The following SHROOM3 variants were observed in gnomAD, a reference collection of about 807,000 sequenced individuals.
SHROOM3 encodes protein Shroom3.
A neutral mutation model predicts 138.6 loss-of-function variants in SHROOM3; 47 were observed. The ratio of observed to expected loss-of-function variants is 0.34; its 90% CI spans 0.27 to 0.43. The LOEUF is 0.43. SHROOM3 is among the 20% of genes least tolerant of loss of function. The probability of loss-of-function intolerance (pLI) is 1.00; values close to 1 mark genes in which losing one functional copy is unlikely to be tolerated. For synonymous variants in SHROOM3, 1,062 were observed against 1,063.3 expected (o/e 1.00, Z 0.02); for missense variants, 2,491 against 2,596.5 (o/e 0.96, Z 0.88).
intron 2 of SHROOM3, among the ~76,000 whole-genome samples, chr4:76,579,516 T>C (rs1458462403): frequency 1.3e-5 from 2 of 152,238 alleles, no homozygotes; most frequent in African/African-American, 2.4e-5. Flanking sequence ...AAGTACTTGG[T>C]CTACAGATGT....
chr4:76,462,440 G>A (rs1038834389), intron 1 of SHROOM3, among the ~76,000 whole-genome samples: 6 of 152,060 alleles, frequency 3.9e-5, no homozygotes, highest in African/African-American at 1.4e-4. Flanking sequence ...TAACTATAGG[G>A]TAGATCCTAT....
At chr4:76,436,666 G>A (rs1196143473) in intron 1 of SHROOM3, among the ~76,000 whole-genome samples, 1 of 152,176 alleles carries the variant, frequency 6.6e-6, no homozygotes, top group African/African-American at 2.4e-5. Context: ...TAAATACCAT[G>A]TGTTGCTTTT....
chr4:76,659,218 C>T (rs1357244655), intron 2 of SHROOM3, among the ~76,000 whole-genome samples: 3 of 152,106 alleles, frequency 2.0e-5, no homozygotes, highest in South Asian at 2.1e-4. Flanking sequence ...AAGCACTTCC[C>T]GATGTGAACT....
At chr4:76,608,673 TAGCAC>T (rs559667555) in intron 2 of SHROOM3, among the ~76,000 whole-genome samples, 3,964 of 107,868 alleles carry the variant, frequency 0.037, 352 homozygotes, top group African/African-American at 0.13. Context: ...TAGCACAGCA[TAGCAC>T]AGCACAGCAC....
chr4:76,611,798 G>A (rs534474010), intron 2 of SHROOM3, among the ~76,000 whole-genome samples: 4 of 152,280 alleles, frequency 2.6e-5, no homozygotes, highest in South Asian at 2.1e-4. Context: ...GAGACTGCCC[G>A]TCAGGCACAC....
At chr4:76,767,220 C>T (rs1173697981) in intron 9 of SHROOM3, among the ~76,000 whole-genome samples, 1 of 152,184 alleles carries the variant, frequency 6.6e-6, no homozygotes, top group African/African-American at 2.4e-5. Flanking sequence ...TGCAGTGTTG[C>T]TGATCTGCTT....
intron 1 of SHROOM3, among the ~76,000 whole-genome samples, chr4:76,450,999 G>A (rs1433181112): frequency 6.6e-6 from 1 of 151,496 alleles, no homozygotes; most frequent in Non-Finnish European, 1.5e-5. Context: ...TGCACAGGCT[G>A]GAGTGAAGTG....
intron 4 of SHROOM3, among the ~76,000 whole-genome samples, chr4:76,731,578 C>G (rs1375345118): frequency 2.0e-5 from 3 of 152,048 alleles, no homozygotes; most frequent in African/African-American, 7.2e-5. Context: ...GTCAGGAGTT[C>G]AAGACCAGCC....
At chr4:76,644,569 T>G (rs1274816731) in intron 2 of SHROOM3, among the ~76,000 whole-genome samples, 3 of 150,254 alleles carry the variant, frequency 2.0e-5, no homozygotes, top group Non-Finnish European at 4.4e-5. Context: ...CATACGGGGT[T>G]TTTTTTTTTT....
intron 2 of SHROOM3, among the ~76,000 whole-genome samples, chr4:76,702,376 A>G (rs1325066597): frequency 1.3e-5 from 2 of 152,264 alleles, no homozygotes. Flanking sequence ...CCATGTGCCC[A>G]GTAAATGTAA....
intron 2 of SHROOM3, among the ~76,000 whole-genome samples, chr4:76,576,708 A>G (rs1277579168): frequency 2.0e-5 from 3 of 152,170 alleles, no homozygotes; most frequent in Admixed American, 6.5e-5. Context: ...CCCATTCTTC[A>G]TGATGTGATT....
At chr4:76,703,802 C>G (rs1269842180) in intron 2 of SHROOM3, among the ~76,000 whole-genome samples, 1 of 152,188 alleles carries the variant, frequency 6.6e-6, no homozygotes, top group Non-Finnish European at 1.5e-5. Flanking sequence ...CAACATAAAT[C>G]AAAAGGAATT....
rs186615250 is a variant in SHROOM3, at chr4:76,691,017, A to T, written c.324-19139A>T. 2.3e-3 allele frequency among the ~76,000 whole-genome samples: 351 copies of T among 152,330 alleles called. 1 individual carries two copies. Among genetic ancestry groups the T allele is most frequent in the Admixed American group, 3.5e-3 (54 of 15,304 alleles). ...GCAATTTCTCTTGAATCAACTTCCC[A>T]CATCTGCTCCCAGCAAATGGTTTCT... On this transcript the variant is annotated intron_variant, in intron 2 of 10. Transcript: ENST00000296043.
In SHROOM3 at chr4:76,739,624, C is replaced by A. The variant is rs1265753319; in HGVS notation, c.1451C>A (p.Ser484Tyr). 6.2e-7 allele frequency: 1 copy of A among 1,614,214 alleles called. No homozygotes were observed. The highest frequency in any genetic ancestry group is 1.1e-5 in the South Asian group (1 of 91,090). Residue 484 changes from serine (S) to tyrosine (Y), a missense_variant, in exon 5 of 11, where the codon TCT (serine) becomes TAT (tyrosine). This residue lies in a region of SHROOM3 where 1,733 missense variants were observed against 1,661.6 expected (regional missense o/e 1.04). Transcript: ENST00000296043. Reference sequence around the variant, plus strand: ...CACTTTGCCCAGGTGCCTCAGCCTTCTGTGAGTAGCAACGGTATGCTCTAC... The same window carrying A: ...CACTTTGCCCAGGTGCCTCAGCCTTATGTGAGTAGCAACGGTATGCTCTAC... ...EPHFAQVPQPSVSSNGMLYPA... is the reference protein window; with the variant it reads ...EPHFAQVPQPYVSSNGMLYPA...
chr4:76,477,235 C>A (rs1731505911), intron 1 of SHROOM3, among the ~76,000 whole-genome samples: 2 of 152,196 alleles, frequency 1.3e-5, no homozygotes, highest in South Asian at 4.1e-4. Context: ...TCCCAAAGTG[C>A]TAGGATTATG....
At chr4:76,716,692 C>G (rs1018985800) in intron 3 of SHROOM3, among the ~76,000 whole-genome samples, 2 of 152,110 alleles carry the variant, frequency 1.3e-5, no homozygotes, top group Non-Finnish European at 2.9e-5. Flanking sequence ...ATGTGTGTAT[C>G]TTGACTGGCT....
At chr4:76,650,519 A>T (rs1056014747) in intron 2 of SHROOM3, among the ~76,000 whole-genome samples, 61 of 145,612 alleles carry the variant, frequency 4.2e-4, no homozygotes, top group Non-Finnish European at 7.2e-4. Flanking sequence ...TTTTTTAAGT[A>T]TATTTATTTA....
intron 2 of SHROOM3, among the ~76,000 whole-genome samples, chr4:76,689,384 G>GAGCCAGCGCCGAGCCAGCGCCGA (rs1553937027): frequency 5.6e-5 from 7 of 125,524 alleles, no homozygotes; most frequent in South Asian, 5.6e-4. Context: ...GAGCCAGCGC[G>GAGCCAGCGCCGAGCCAGCGCCGA]GCCCCTCGGG....
chr4:76,648,471 C>T (rs577463700), intron 2 of SHROOM3, among the ~76,000 whole-genome samples: 4 of 151,562 alleles, frequency 2.6e-5, no homozygotes, highest in African/African-American at 4.9e-5. Flanking sequence ...GCCAGTGATT[C>T]TTTGAAATGG....
Sources: allele counts gnomAD v4.1 joint callset (sites outside exome capture counted in the v4.1 genomes callset), GRCh38; gene constraint gnomAD v4.1.1; regional missense constraint gnomAD v4.1.1; transcripts MANE v1.5; gene names NCBI Gene and HGNC (gene_info 2026-07-23, HGNC 2026-07-21).